Variants in CSF2RA observed in about 807,000 individuals in gnomAD.
The protein encoded by CSF2RA is granulocyte-macrophage colony-stimulating factor receptor subunit alpha.
CSF2RA carries 42 observed loss-of-function variants against 51.6 expected under a neutral mutation model. The ratio of observed to expected loss-of-function variants is 0.81; its 90% CI spans 0.64 to 1.05. The LOEUF (loss-of-function observed/expected upper bound fraction) is 1.05. Among genes scored for constraint, CSF2RA ranks in the 50% least tolerant of loss-of-function variants. CSF2RA has a pLI of 0.00. For missense variants in CSF2RA, 530 were observed against 501.1 expected (o/e 1.06, Z -0.55); for synonymous variants, 222 against 193.0 (o/e 1.15, Z -1.24).
intron 9 of CSF2RA, 29 bp from the exon 10 acceptor site, chrX:1,300,462 T>C: frequency 6.2e-7 from 1 of 1,613,796 alleles, no homozygotes; most frequent in East Asian, 2.2e-5. Flanking sequence ...AGAAGACGCC[T>C]ATCTCTAACT....
intron 10 of CSF2RA, 73 bp from the exon 11 acceptor site, chrX:1,303,850 C>T: frequency 7.8e-7 from 1 of 1,281,088 alleles, no homozygotes. Context: ...ATTTGGACAC[C>T]CGAAGAGATT....
intron 3 of CSF2RA, among the ~76,000 whole-genome samples, chrX:1,283,099 C>G (rs1214927744): frequency 2.0e-5 from 3 of 150,556 alleles, no homozygotes; most frequent in Admixed American, 6.7e-5. Context: ...GTGTTCCTTC[C>G]TTCCTTCGTT....
chrX:1,321,221 A>G, the CSF2RA span, among the ~76,000 whole-genome samples: 13 of 151,864 alleles, frequency 8.6e-5, no homozygotes, highest in Non-Finnish European at 1.5e-4. Context: ...TGTCATCCCA[A>G]CACTTTGGGA....
downstream of CSF2RA, chrX:1,310,261 C>G (rs1256453800): frequency 6.4e-6 from 1 of 156,906 alleles, no homozygotes; most frequent in African/African-American, 2.4e-5. Flanking sequence ...TCCAACCCAA[C>G]TACTGAGGTA....
At chrX:1,302,961 TC>T in intron 10 of CSF2RA, 1 of 251,676 alleles carries the variant, frequency 4.0e-6, no homozygotes, top group Non-Finnish European at 7.3e-6. Flanking sequence ...AACCTCCGCC[TC>T]CCGGGTTCAA....
chrX:1,307,431 C>A (rs2083706853), intron 12 of CSF2RA, among the ~76,000 whole-genome samples: 2 of 151,348 alleles, frequency 1.3e-5, no homozygotes, highest in South Asian at 4.2e-4. Flanking sequence ...CCACCCTTCC[C>A]CTTTAGACCT....
chrX:1,295,182 C>T (rs1370980405), intron 8 of CSF2RA, among the ~76,000 whole-genome samples: 1 of 99,736 alleles, frequency 1.0e-5, no homozygotes, highest in Non-Finnish European at 2.2e-5. Flanking sequence ...CACCCTGCCC[C>T]AAGGCCAGTG....
At chrX:1,280,419 C>T (rs1284368665) in intron 2 of CSF2RA, among the ~76,000 whole-genome samples, 1 of 143,868 alleles carries the variant, frequency 7.0e-6, no homozygotes, top group Non-Finnish European at 1.5e-5. Context: ...TGCAGTGAGC[C>T]AAGATTGCAC....
intron 11 of CSF2RA, 102 bp from the exon 12 acceptor site, chrX:1,305,344 C>A: frequency 7.7e-7 from 1 of 1,295,522 alleles, no homozygotes; most frequent in Non-Finnish European, 1.1e-6. Context: ...CATAGTTGAG[C>A]GCAGACACCC....
At chrX:1,289,004 C>CA in intron 6 of CSF2RA, 116 bp downstream of exon 6, 1 of 1,434,640 alleles carries the variant, frequency 7.0e-7, no homozygotes, top group Non-Finnish European at 9.7e-7. Flanking sequence ...CTCTGTTGCC[C>CA]AGGCTGCAAT....
At chrX:1,301,637 C>T (rs140895781) in intron 10 of CSF2RA, among the ~76,000 whole-genome samples, 4,867 of 130,044 alleles carry the variant, frequency 0.037, 179 homozygotes, top group African/African-American at 0.094. Context: ...TCGCTCTTGT[C>T]GCAGGCTGGA....
At chrX:1,323,434 G>A in the CSF2RA span, among the ~76,000 whole-genome samples, 1 of 152,060 alleles carries the variant, frequency 6.6e-6, no homozygotes, top group East Asian at 1.9e-4. Context: ...CTGCAGAGAG[G>A]AGCATGTCGT....
the CSF2RA span, among the ~76,000 whole-genome samples, chrX:1,323,244 T>C: frequency 6.7e-6 from 1 of 149,792 alleles, no homozygotes; most frequent in African/African-American, 2.5e-5. Context: ...CCGGGAGCGG[T>C]GGCTCACGCC....
At position 1,301,331 on chromosome X, in the gene CSF2RA, CAAAAAAAAAAAA is replaced by C. The variant is rs1156943650; in HGVS notation, c.946+717_946+728del. 1.3e-4 allele frequency among the ~76,000 whole-genome samples: 8 copies of C among 62,706 alleles called. No individual in the cohort carries two copies. The Admixed American group carries it at 1.7e-3, about 14-fold the overall frequency. 41.1% of individuals were successfully genotyped at this position (62,706 alleles called of 152,430 possible). A position where few individuals can be genotyped will look rare whatever the true frequency, so the allele number is the denominator to read the frequency against. ...TGGGTGACAGAGTGAGACTCTGTCT[CAAAAAAAAAAAA>C]AAAAAAAAAAAGAAAAAGTAGAAGG... On this transcript the variant is annotated intron_variant, in intron 10 of 12. Transcript: ENST00000381529.
chrX:1,306,076 C>A, intron 12 of CSF2RA: 1 of 363,914 alleles, frequency 2.7e-6, no homozygotes. Context: ...AGCGAGACTC[C>A]ATCTCAAAAG....
chrX:1,277,089 G>A (rs187653568), intron 2 of CSF2RA, among the ~76,000 whole-genome samples: 483 of 150,440 alleles, frequency 3.2e-3, no homozygotes, highest in Non-Finnish European at 5.0e-3. Flanking sequence ...ACAGAGCGAG[G>A]CTCCGTCTCT....
At chrX:1,287,360 G>A (rs2090837519) in intron 4 of CSF2RA, among the ~76,000 whole-genome samples, 1 of 150,454 alleles carries the variant, frequency 6.6e-6, no homozygotes, top group East Asian at 2.0e-4. Context: ...CACCATGTTG[G>A]CCAGGCTGGT....
At chrX:1,310,063 C>T, downstream of CSF2RA, 1 of 346,492 alleles carries the variant, frequency 2.9e-6, no homozygotes, top group Non-Finnish European at 5.1e-6. Context: ...GGCGTGGTGG[C>T]TTGTGCCTGT....
intron 1 of CSF2RA, among the ~76,000 whole-genome samples, chrX:1,271,874 A>C (rs2088478899): frequency 6.6e-6 from 1 of 152,002 alleles, no homozygotes; most frequent in African/African-American, 2.4e-5. Context: ...GAGGGCTGAA[A>C]GCTCTTGGTC....
Sources: allele counts gnomAD v4.1 joint callset (sites outside exome capture counted in the v4.1 genomes callset), GRCh38; gene constraint gnomAD v4.1.1; transcripts MANE v1.5; gene names NCBI Gene and HGNC (gene_info 2026-07-23, HGNC 2026-07-21).